EYS: variants seen among roughly 807,000 people sequenced by gnomAD.
EYS encodes the protein EGF-like photoreceptor maintenance factor, also known as protein eyes shut homolog.
EYS carries 250 observed loss-of-function variants against 282.1 expected under a neutral mutation model. That is an observed-to-expected ratio of 0.89 (90% CI 0.80 to 0.98). The LOEUF (loss-of-function observed/expected upper bound fraction) is 0.98. Among genes scored for constraint, EYS ranks in the 50% least tolerant of loss-of-function variants. The pLI, the probability that EYS is intolerant of heterozygous loss-of-function variation, is 0.00. For missense variants in EYS, 4,016 were observed against 3,709.0 expected, an observed-to-expected ratio of 1.08 and a Z score of -2.15; for synonymous variants, 1,355 against 1,282.9, an observed-to-expected ratio of 1.06 and a Z score of -1.20.
rs532564071 is a variant in EYS, at chr6:65,317,887, A to T, written c.1766+17093T>A. On this transcript the variant is annotated intron_variant, in intron 11 of 42. Coordinates refer to ENST00000503581, the MANE Select transcript of EYS (RefSeq NM_001142800.2). ...CTTTCTTTCTTTCTTTCTTTCTTTC[A>T]GACAGAGTCTCCCTCTGTTGCCCAG... is the stretch of plus-strand genomic sequence containing the variant. Among the ~76,000 whole-genome samples the T allele has an allele frequency of 9.5e-4, 87 of 91,456 alleles. 1 individual carries two copies. Among genetic ancestry groups the T allele is most frequent in the South Asian group, 2.1e-3 (6 of 2,874 alleles). The allele number at this position is 91,456 out of a possible 152,430, so 60.0% of individuals were successfully genotyped here. A position where few individuals can be genotyped will look rare whatever the true frequency, so the allele number is the denominator to read the frequency against.
At chr6:64,237,789 A>G (rs1225224793) in intron 30 of EYS, among the ~76,000 whole-genome samples, 1 of 152,200 alleles carries the variant, frequency 6.6e-6, no homozygotes, top group African/African-American at 2.4e-5. Context: ...ATTTTATGAG[A>G]GCAAAGCAAT....
At chr6:64,267,083 G>A (rs1767783850) in intron 30 of EYS, among the ~76,000 whole-genome samples, 1 of 152,050 alleles carries the variant, frequency 6.6e-6, no homozygotes, top group Admixed American at 6.6e-5. Flanking sequence ...AAAAAATGTT[G>A]TTTTACATAT....
At chr6:63,928,298 A>T (rs543593441) in intron 35 of EYS, among the ~76,000 whole-genome samples, 31 of 152,132 alleles carry the variant, frequency 2.0e-4, no homozygotes, top group African/African-American at 7.0e-4. Context: ...TGCCTATCTT[A>T]AAAAAAAGTA....
chr6:64,577,213 A>C (rs1343301568), intron 26 of EYS, among the ~76,000 whole-genome samples: 1 of 152,068 alleles, frequency 6.6e-6, no homozygotes, highest in African/African-American at 2.4e-5. Flanking sequence ...GTTTTGAGAC[A>C]ATCAGTTTCT....
chr6:65,604,036 T>C (rs1018505417), intron 2 of EYS, among the ~76,000 whole-genome samples: 11 of 152,014 alleles, frequency 7.2e-5, no homozygotes, highest in Admixed American at 2.0e-4. Context: ...CAAACTGTAC[T>C]TTTTAAGCAA....
intron 28 of EYS, among the ~76,000 whole-genome samples, chr6:64,428,723 T>C (rs987385053): frequency 6.6e-6 from 1 of 152,240 alleles, no homozygotes; most frequent in African/African-American, 2.4e-5. Context: ...AAGCCAATTA[T>C]ACTTTATGAT....
At chr6:65,064,911 T>A (rs1450973837) in intron 12 of EYS, among the ~76,000 whole-genome samples, 1 of 152,108 alleles carries the variant, frequency 6.6e-6, no homozygotes, top group African/African-American at 2.4e-5. Context: ...AGCTGAATAG[T>A]CAGGATGGCC....
chr6:63,983,418 T>G (rs1767199348), intron 35 of EYS, among the ~76,000 whole-genome samples: 1 of 151,834 alleles, frequency 6.6e-6, no homozygotes, highest in Admixed American at 6.6e-5. Context: ...CTCTGTTTCT[T>G]GTCTTTGTGA....
intron 33 of EYS, among the ~76,000 whole-genome samples, chr6:64,001,327 T>C (rs762909318): frequency 3.3e-5 from 5 of 152,226 alleles, no homozygotes; most frequent in Non-Finnish European, 7.3e-5. Flanking sequence ...GAGATTTTTG[T>C]AAAAATAAAT....
At chr6:65,658,768 C>T (rs1767907643) in intron 1 of EYS, among the ~76,000 whole-genome samples, 2 of 151,640 alleles carry the variant, frequency 1.3e-5, no homozygotes, top group African/African-American at 4.8e-5. Flanking sequence ...GCATCTCCAC[C>T]TCCCTACTTG....
At position 63,749,062 on chromosome 6, in the gene EYS, T is replaced by C. The variant is rs183948847; in HGVS notation, c.8071+13399A>G. ...TTTGCTCTTGGTTCTCTAGTTCTTT[T>C]AGTTGTGATGTTAGGTTGTTAAATT... On this transcript the variant is annotated intron_variant, in intron 41 of 42. Coordinates refer to ENST00000503581, the MANE Select transcript of EYS (RefSeq NM_001142800.2). 2.0e-5 allele frequency among the ~76,000 whole-genome samples: 3 copies of C among 152,338 alleles called. No individual in the cohort carries two copies. The East Asian group carries it at 5.8e-4, about 29-fold the overall frequency.
At chr6:64,568,223 G>C (rs1281654734) in intron 26 of EYS, among the ~76,000 whole-genome samples, 1 of 152,100 alleles carries the variant, frequency 6.6e-6, no homozygotes, top group Non-Finnish European at 1.5e-5. Context: ...AGACCCAACA[G>C]AAAACTGATA....
Position 65,494,921 on chromosome 6 carries a change from G to A in EYS, c.490C>T (p.Arg164Ter), listed in dbSNP as rs794727631. The A allele has an allele frequency of 1.4e-5, 23 of 1,613,940 alleles. No individual in the cohort carries two copies. Among genetic ancestry groups the A allele is most frequent in the Middle Eastern group, 1.6e-4 (1 of 6,084 alleles). ...TGCTGTTTCACTGTCACATTTAGTCGAAGTCCCAGTGGACAAGGTGATGGA... is the reference window on the plus strand; with the variant it reads ...TGCTGTTTCACTGTCACATTTAGTCAAAGTCCCAGTGGACAAGGTGATGGA... The part of the protein sequence containing the change: ...SGPSPCPLGL[R>*]LNVTVKQQFC... The change falls in exon 4 of 43, where the codon CGA becomes TGA. Residue 164 changes from arginine (R) to a stop codon, truncating the protein, a stop_gained. Transcript: ENST00000503581. LOFTEE classifies it high-confidence loss of function.
chr6:64,037,640 C>T (rs1448131055), intron 33 of EYS, among the ~76,000 whole-genome samples: 4 of 152,158 alleles, frequency 2.6e-5, no homozygotes, highest in Non-Finnish European at 5.9e-5. Context: ...TTAACAAGAT[C>T]ATATTCAATG....
At chr6:63,726,333 A>G (rs765852792) in intron 42 of EYS, among the ~76,000 whole-genome samples, 186 bp downstream of exon 42, 1 of 152,208 alleles carries the variant, frequency 6.6e-6, no homozygotes, top group African/African-American at 2.4e-5. Flanking sequence ...ATTCCAACAA[A>G]TCTGTTGCTA....
intron 22 of EYS, among the ~76,000 whole-genome samples, chr6:64,674,745 C>CAA (rs1358955975): frequency 6.7e-6 from 1 of 149,302 alleles, no homozygotes; most frequent in East Asian, 2.1e-4. Context: ...CACACACACA[C>CAA]ACACACACGC....
intron 26 of EYS, among the ~76,000 whole-genome samples, chr6:64,447,463 T>C (rs184355797): frequency 0.039 from 5,857 of 152,090 alleles, 367 homozygotes; most frequent in African/African-American, 0.13. Context: ...ATTCTGATTT[T>C]TTTTTTCCTG....
chr6:65,336,351 G>T (rs1172066581), intron 10 of EYS, among the ~76,000 whole-genome samples: 1 of 151,370 alleles, frequency 6.6e-6, no homozygotes, highest in Non-Finnish European at 1.5e-5. Context: ...TTTAGCAAAG[G>T]TTAAAAAAAT....
intron 35 of EYS, among the ~76,000 whole-genome samples, chr6:63,867,615 A>T (rs1371875040): frequency 6.6e-6 from 1 of 152,316 alleles, no homozygotes; most frequent in East Asian, 1.9e-4. Context: ...AGGCACGAAC[A>T]AATCTCTGTA....
Sources: allele counts gnomAD v4.1 joint callset (sites outside exome capture counted in the v4.1 genomes callset), GRCh38; gene constraint gnomAD v4.1.1; transcripts MANE v1.5; gene names NCBI Gene and HGNC (gene_info 2026-07-23, HGNC 2026-07-21).